UBIAD1: variants seen among roughly 807,000 people sequenced by gnomAD.
The protein encoded by UBIAD1 is ubiA prenyltransferase domain-containing protein 1.
In UBIAD1, 12 loss-of-function variants were observed where a neutral mutation model predicts 20.1. The ratio of observed to expected loss-of-function variants is 0.60; its 90% confidence interval spans 0.38 to 0.97. UBIAD1 has a LOEUF of 0.97. Ranked by LOEUF, UBIAD1 falls within the 50% of genes least tolerant of loss-of-function variation. The pLI, the probability that UBIAD1 is intolerant of heterozygous loss-of-function variation, is 0.00. For synonymous variants in UBIAD1, 207 were observed against 189.2 expected (o/e 1.09, Z -0.77); for missense variants, 333 against 419.5 (o/e 0.79, Z 1.80).
At chr1:11,281,062 C>G (rs1250871842) in intron 1 of UBIAD1, among the ~76,000 whole-genome samples, 14 of 152,008 alleles carry the variant, frequency 9.2e-5, no homozygotes, top group Admixed American at 5.2e-4. Flanking sequence ...ACTGCCCTTT[C>G]TAGTCCAGGA....
intron 1 of UBIAD1, among the ~76,000 whole-genome samples, chr1:11,293,904 C>G (rs991146817): frequency 2.0e-5 from 3 of 151,990 alleles, no homozygotes; most frequent in Non-Finnish European, 4.4e-5. Context: ...TCGAACTGAT[C>G]TCAGGTGATC....
downstream of UBIAD1, among the ~76,000 whole-genome samples, chr1:11,298,063 C>T (rs943585187): frequency 6.6e-6 from 1 of 151,868 alleles, no homozygotes; most frequent in African/African-American, 2.4e-5. This position sits in a 1 kb window ranked among gnomAD's most constrained non-coding sequence, Gnocchi z 4.0. Flanking sequence ...TGGGTTCAAG[C>T]GATTATCCTG....
chr1:11,297,902 C>T (rs111618666), downstream of UBIAD1, among the ~76,000 whole-genome samples: 360 of 152,254 alleles, frequency 2.4e-3, 2 homozygotes, highest in African/African-American at 7.8e-3. Context: ...AACTGGAAAA[C>T]ATCTGATGTC....
At chr1:11,290,737 G>C (rs1259872531), downstream of UBIAD1, among the ~76,000 whole-genome samples, 1 of 152,146 alleles carries the variant, frequency 6.6e-6, no homozygotes, top group African/African-American at 2.4e-5. Context: ...CCAGCACTTT[G>C]GGAGACCGAG....
At position 11,273,552 on chromosome 1, in the gene UBIAD1, G is replaced by A. The variant is rs774320563; in HGVS notation, c.21G>A (p.Leu7=). MAASQV[L]GEKINILSGE... The stretch of plus-strand genomic sequence containing the variant: ...CTTCCATGGCGGCCTCTCAGGTCCT[G>A]GGGGAGAAGATTAACATCCTGTCGG... The change falls in exon 1 of 2, where the codon CTG becomes CTA. Residue 7 remains leucine, a synonymous_variant. Coordinates refer to ENST00000376810, the MANE Select transcript of UBIAD1 (RefSeq NM_013319.3). This position sits in a 1 kb window ranked among gnomAD's most constrained non-coding sequence, Gnocchi z 4.9. The A allele has an allele frequency of 3.1e-6, 5 of 1,612,812 alleles. No homozygotes were observed. The highest frequency in any genetic ancestry group is 4.2e-6 in the Non-Finnish European group (5 of 1,180,038).
chr1:11,283,912 C>T (rs1652324511), intron 1 of UBIAD1, among the ~76,000 whole-genome samples: 1 of 152,128 alleles, frequency 6.6e-6, no homozygotes. Context: ...GTGGGCAGCT[C>T]CACTCATTCC....
At chr1:11,298,296 A>C (rs1189265005), downstream of UBIAD1, among the ~76,000 whole-genome samples, 1 of 151,840 alleles carries the variant, frequency 6.6e-6, no homozygotes, top group African/African-American at 2.4e-5. This position sits in a 1 kb window ranked among gnomAD's most constrained non-coding sequence, Gnocchi z 4.0. Flanking sequence ...GGCCAGACAC[A>C]GTGGCTTATG....
Position 11,273,376 on chromosome 1 carries a change from G to GT in UBIAD1, c.-156_-155insT. 2.3e-6 allele frequency: 2 copies of GT among 860,522 alleles called. No homozygotes were observed. The highest frequency in any genetic ancestry group is 3.6e-6 in the Non-Finnish European group (2 of 551,554). The allele number at this position is 860,522 out of a possible 1,614,324, so 53.3% of individuals were successfully genotyped here. A position where few individuals can be genotyped will look rare whatever the true frequency, so the allele number is the denominator to read the frequency against. On this transcript the variant is annotated 5_prime_UTR_variant, in exon 1 of 2. Transcript: ENST00000376810. The surrounding 1 kb of genome is among the most constrained non-coding windows in gnomAD (Gnocchi z 4.9). ...GCCTCGTGGGGTGTAAGACCCACTT[G>GT]CTGTTGCCCCCGGACCTTGCCGCCA... is the stretch of plus-strand genomic sequence containing the variant.
At chr1:11,291,762 T>C (rs1276325329), downstream of UBIAD1, among the ~76,000 whole-genome samples, 1 of 152,144 alleles carries the variant, frequency 6.6e-6, no homozygotes, top group East Asian at 1.9e-4. Context: ...ACTTTGAAGA[T>C]GTTATCAACA....
exon 2 of UBIAD1, chr1:11,295,027 G>A: frequency 4.3e-6 from 3 of 703,516 alleles, no homozygotes; most frequent in Middle Eastern, 5.4e-4. Flanking sequence ...CCTGCCTCGG[G>A]GTGGGCAGCA....
rs1638250901 is a variant in UBIAD1, at chr1:11,285,733, G to T, written c.619G>T (p.Val207Leu). 6.2e-7 allele frequency: 1 copy of T among 1,614,130 alleles called. No individual in the cohort carries two copies. The highest frequency in any genetic ancestry group is 1.3e-5 in the African/African-American group (1 of 75,024). Residue 207 changes from valine (V) to leucine (L), a missense_variant, in exon 2 of 2, where the codon GTG becomes TTG. Physicochemically the swap from Val to Leu is conservative, Grantham distance 32. Coordinates refer to ENST00000376810, the MANE Select transcript of UBIAD1 (RefSeq NM_013319.3). The surrounding 1 kb of genome is among the most constrained non-coding windows in gnomAD (Gnocchi z 4.4). ...TGTGATGTTCGCCTACGCCATCCAGGTGGGGTCCCTGGCCATCTTCCCACT... is the reference window on the plus strand; with the variant it reads ...TGTGATGTTCGCCTACGCCATCCAGTTGGGGTCCCTGGCCATCTTCCCACT... ...LAVMFAYAIQ[V>L]GSLAIFPLVY... is the part of the protein sequence containing the mutation.
chr1:11,274,104 C>T, intron 1 of UBIAD1, 44 bp downstream of exon 1: 1 of 1,610,366 alleles, frequency 6.2e-7, no homozygotes. Context: ...TTAGTCGCGT[C>T]CACTGGAAAC....
intron 1 of UBIAD1, among the ~76,000 whole-genome samples, chr1:11,275,732 G>A (rs1651999583): frequency 6.6e-6 from 1 of 152,100 alleles, no homozygotes. Context: ...GACAGAGTGA[G>A]ACCATGCCTC....
In UBIAD1 at chr1:11,285,681, C is replaced by G; in HGVS notation, c.567C>G (p.Ile189Met). 6.2e-7 allele frequency: 1 copy of G among 1,614,200 alleles called. No individual in the cohort carries two copies. Among genetic ancestry groups the G allele is most frequent in the South Asian group, 1.1e-5 (1 of 91,076 alleles). ...GFKYVALGDL[I>M]ILITFGPLAV... ...AGTACGTGGCTCTGGGAGACCTCAT[C>G]ATCCTCATCACTTTTGGCCCGCTGG... The change falls in exon 2 of 2, where the codon ATC becomes ATG. Residue 189 changes from isoleucine to methionine, a missense_variant. Ile to Met is a conservative substitution (Grantham distance 10). Coordinates refer to ENST00000376810, the MANE Select transcript of UBIAD1 (RefSeq NM_013319.3). This position sits in a 1 kb window ranked among gnomAD's most constrained non-coding sequence, Gnocchi z 4.4.
rs907070370 is a variant in UBIAD1, at chr1:11,285,272, G to T, written c.530-372G>T. ...ACGGGGTCTTGCAGGGGTTGGTGAA[G>T]GGTGAAAGATAGCAAAGAACTGGAT... On this transcript the variant is annotated intron_variant, in intron 1 of 1. Coordinates refer to ENST00000376810, the MANE Select transcript of UBIAD1 (RefSeq NM_013319.3). The surrounding 1 kb of genome is among the most constrained non-coding windows in gnomAD (Gnocchi z 4.4). Among the ~76,000 whole-genome samples, 1 of 152,180 alleles carries T rather than the reference G, an allele frequency of 6.6e-6. No homozygotes were observed. Among genetic ancestry groups the T allele is most frequent in the Non-Finnish European group, 1.5e-5 (1 of 68,042 alleles).
downstream of UBIAD1, among the ~76,000 whole-genome samples, chr1:11,289,269 C>T (rs916767919): frequency 9.2e-5 from 14 of 152,280 alleles, no homozygotes; most frequent in Middle Eastern, 3.4e-3. Flanking sequence ...CCCTTTGCTC[C>T]GCTGGATTCA....
rs746026618 is a variant in UBIAD1, at chr1:11,274,020, C to T, written c.489C>T (p.Ile163=). ...SPLKLEHLAL[I]YFGGLSGSFL... ...TGAAACTGGAGCACTTGGCTCTTAT[C>T]TACTTTGGAGGCCTGTCTGGCTCCT... is the stretch of plus-strand genomic sequence containing the variant. The change falls in exon 1 of 2, where the codon ATC becomes ATT. Residue 163 remains isoleucine, a synonymous_variant. Transcript: ENST00000376810. 8 of 1,614,170 alleles carry T rather than the reference C, an allele frequency of 5.0e-6. No individual in the cohort carries two copies. In the East Asian group the frequency reaches 1.6e-4, roughly 31 times the overall value.
chr1:11,277,993 T>C (rs2101016962), intron 1 of UBIAD1, among the ~76,000 whole-genome samples: 1 of 152,314 alleles, frequency 6.6e-6, no homozygotes, highest in African/African-American at 2.4e-5. Context: ...GGTCTTACTC[T>C]GTCACTCAGG....
intron 1 of UBIAD1, chr1:11,278,795 C>A (rs1291227716): frequency 6.1e-6 from 3 of 492,852 alleles, no homozygotes; most frequent in Non-Finnish European, 1.1e-5. Context: ...CATATTAATT[C>A]TTGTTACAAA....
Sources: gnomAD v4.1 joint callset for allele counts (sites outside exome capture counted in the v4.1 genomes callset) on GRCh38, gnomAD v4.1.1 for gene constraint, Gnocchi (gnomAD v3.1) non-coding constraint, MANE v1.5 for transcripts, NCBI Gene and HGNC (gene_info 2026-07-23, HGNC 2026-07-21) for gene names.